The following DNAH7 variants were observed in gnomAD, a reference collection of about 807,000 sequenced individuals.
DNAH7 encodes dynein axonemal heavy chain 7, also known as axonemal beta dynein heavy chain 7.
Under a neutral mutation model 444.6 loss-of-function variants are expected in DNAH7, and 397 were observed. The ratio of observed to expected loss-of-function variants is 0.89; its 90% CI spans 0.82 to 0.97. The LOEUF is 0.97. DNAH7 is among the 50% of genes least tolerant of loss of function. DNAH7 has a pLI of 0.00. For synonymous variants in DNAH7, 1,636 were observed against 1,624.4 expected (o/e 1.01, Z -0.17); for missense variants, 4,902 against 4,800.8 (o/e 1.02, Z -0.62).
intron 41 of DNAH7, among the ~76,000 whole-genome samples, chr2:195,862,703 A>G (rs1389685719): frequency 6.6e-6 from 1 of 152,060 alleles, no homozygotes; most frequent in East Asian, 1.9e-4. Flanking sequence ...TCAGATCTCA[A>G]TACTGACACT....
rs778344883 is a variant in DNAH7, at chr2:195,756,320, A to G, written c.11434-35T>C. 6.1e-6 allele frequency: 9 copies of G among 1,486,786 alleles called. No homozygotes were observed. In the South Asian group the frequency reaches 7.0e-5, roughly 12 times the overall value. The allele number at this position is 1,486,786 out of a possible 1,614,324, so 92.1% of individuals were successfully genotyped here. A position where few individuals can be genotyped will look rare whatever the true frequency, so the allele number is the denominator to read the frequency against. On this transcript the variant is annotated intron_variant, in intron 61 of 64. Transcript: ENST00000312428. The stretch of plus-strand genomic sequence containing the variant: ...ATTTAACCTTGGTTAATATAATAGT[A>G]TAGATTATGATAGATTATAAGCAAC...
chr2:195,897,839 C>T (rs1370964656), intron 28 of DNAH7, 74 bp from the exon 29 acceptor site: 3 of 770,752 alleles, frequency 3.9e-6, no homozygotes, highest in Non-Finnish European at 6.4e-6. Flanking sequence ...TGTTCGCATA[C>T]ACACAAACCT....
At chr2:195,795,944 G>A (rs752841087) in intron 56 of DNAH7, 4 of 152,340 alleles carry the variant, frequency 2.6e-5, no homozygotes, top group Non-Finnish European at 5.9e-5. Context: ...GTGGGCTAGA[G>A]TCATGGGTAA....
intron 21 of DNAH7, among the ~76,000 whole-genome samples, chr2:195,933,267 A>G (rs1305651212): frequency 6.6e-6 from 1 of 152,154 alleles, no homozygotes; most frequent in African/African-American, 2.4e-5. Flanking sequence ...GCTGGAGAGG[A>G]TGTGGAGAAA....
intron 49 of DNAH7, among the ~76,000 whole-genome samples, chr2:195,821,245 T>C (rs934582453): frequency 2.6e-5 from 4 of 152,222 alleles, no homozygotes; most frequent in Non-Finnish European, 5.9e-5. Context: ...TTTGGAGGTT[T>C]TGCCTGATTT....
chr2:196,040,730 C>T (rs1467712653), intron 5 of DNAH7, among the ~76,000 whole-genome samples: 5 of 151,900 alleles, frequency 3.3e-5, no homozygotes, highest in African/African-American at 1.2e-4. Flanking sequence ...AGAGCAATTA[C>T]ACAAGATAAA....
At chr2:196,042,336 C>T (rs554741413) in intron 5 of DNAH7, among the ~76,000 whole-genome samples, 19 of 151,864 alleles carry the variant, frequency 1.3e-4, no homozygotes, top group African/African-American at 4.3e-4. Context: ...CCAATTACCC[C>T]GATTTGATTG....
intron 47 of DNAH7, among the ~76,000 whole-genome samples, chr2:195,843,690 A>G (rs1003265694): frequency 6.6e-6 from 1 of 152,200 alleles, no homozygotes; most frequent in Non-Finnish European, 1.5e-5. Context: ...CATACCTCAA[A>G]TTCTTGTAGA....
At chr2:195,840,084 T>C (rs1698594885) in intron 47 of DNAH7, among the ~76,000 whole-genome samples, 1 of 151,698 alleles carries the variant, frequency 6.6e-6, no homozygotes, top group South Asian at 2.1e-4. Flanking sequence ...ATATTCCTCA[T>C]GAACATAAAT....
intron 47 of DNAH7, among the ~76,000 whole-genome samples, chr2:195,840,405 G>T (rs1036186842): frequency 6.6e-6 from 1 of 151,676 alleles, no homozygotes; most frequent in Admixed American, 6.6e-5. Flanking sequence ...TACCACATGT[G>T]ATAGTAAAAA....
chr2:195,990,797 GTGTGT>G (rs1559310083), intron 12 of DNAH7, among the ~76,000 whole-genome samples: 1 of 143,746 alleles, frequency 7.0e-6, no homozygotes, highest in Non-Finnish European at 1.5e-5. Flanking sequence ...GTGTGTGTGT[GTGTGT>G]GTGTGTGTGT....
rs750865255 is a variant in DNAH7 at position 195,864,980 on chromosome 2, G to A, written c.6675C>T (p.Asp2225=). The A allele has an allele frequency of 2.5e-6, 4 of 1,604,808 alleles. No individual in the cohort carries two copies. Among genetic ancestry groups the A allele is most frequent in the Non-Finnish European group, 2.5e-6 (3 of 1,179,912 alleles). ...VYYDRLLDNT[D]RSWLINYIQE... Reference sequence around the variant, plus strand: ...GAATGTAGTTGATGAGCCAGCTTCTGTCTGTATTGTCCAGAAGGCGGTCAT... The same window carrying A: ...GAATGTAGTTGATGAGCCAGCTTCTATCTGTATTGTCCAGAAGGCGGTCAT... Residue 2225 remains aspartate, a synonymous_variant, in exon 41 of 65, where the codon GAC becomes GAT. Transcript: ENST00000312428.
intron 11 of DNAH7, among the ~76,000 whole-genome samples, 187 bp from the exon 12 acceptor site, chr2:196,001,070 A>AG (rs1694004539): frequency 6.6e-6 from 1 of 152,144 alleles, no homozygotes; most frequent in Non-Finnish European, 1.5e-5. Context: ...GATATCCAGT[A>AG]TCCATTGGGA....
intron 63 of DNAH7, among the ~76,000 whole-genome samples, chr2:195,747,767 C>T (rs1207533634): frequency 1.3e-5 from 2 of 151,910 alleles, no homozygotes; most frequent in African/African-American, 4.8e-5. Context: ...CAGAAAAGGC[C>T]TTTGACAAAA....
intron 22 of DNAH7, among the ~76,000 whole-genome samples, chr2:195,925,782 G>A (rs76437966): frequency 0.011 from 1,672 of 152,182 alleles, 35 homozygotes; most frequent in East Asian, 0.067. Context: ...ATATTTGCTA[G>A]TTTCCAGTTG....
In DNAH7 at chr2:195,888,935, A is replaced by G. The variant is rs1701857483; in HGVS notation, c.5093T>C (p.Val1698Ala). 6.2e-7 allele frequency: 1 copy of G among 1,613,642 alleles called. No homozygotes were observed. The highest frequency in any genetic ancestry group is 1.1e-5 in the South Asian group (1 of 90,940). The part of the protein sequence containing the change: ...WLIFDGPVDA[V>A]WIENMNTVLD... Reference sequence around the variant, plus strand: ...CACAGTGTTCATATTCTCAATCCACACTGCATCTACTGGGCCATCAAAAAT... The same window carrying G: ...CACAGTGTTCATATTCTCAATCCACGCTGCATCTACTGGGCCATCAAAAAT... The change falls in exon 32 of 65, where the codon GTG (valine) becomes GCG (alanine). Residue 1698 changes from valine to alanine, a missense_variant. Val to Ala is a moderately conservative substitution (Grantham distance 64). Coordinates refer to ENST00000312428, the MANE Select transcript of DNAH7 (RefSeq NM_018897.3).
At chr2:195,824,218 A>G in intron 49 of DNAH7, 37 bp downstream of exon 49, 2 of 1,560,040 alleles carry the variant, frequency 1.3e-6, no homozygotes, top group African/African-American at 1.4e-5. Flanking sequence ...CACTAATTAC[A>G]AAATCTGATA....
intron 48 of DNAH7, among the ~76,000 whole-genome samples, chr2:195,828,322 T>C (rs993914898): frequency 1.3e-5 from 2 of 152,118 alleles, no homozygotes; most frequent in Non-Finnish European, 2.9e-5. Context: ...CAGTGGCTCA[T>C]GCCTGTAATC....
chr2:195,844,105 CA>C (rs78757110), intron 47 of DNAH7, among the ~76,000 whole-genome samples: 8 of 151,762 alleles, frequency 5.3e-5, no homozygotes, highest in African/African-American at 1.9e-4. Flanking sequence ...CAAAAAAAAA[CA>C]AAAAACCCAA....
Sources: allele counts gnomAD v4.1 joint callset (sites outside exome capture counted in the v4.1 genomes callset), GRCh38; gene constraint gnomAD v4.1.1; transcripts MANE v1.5; gene names NCBI Gene and HGNC (gene_info 2026-07-23, HGNC 2026-07-21).